BMPR1B: variants seen among roughly 807,000 people sequenced by gnomAD.
BMPR1B encodes the protein bone morphogenetic protein receptor type-1B.
Under a neutral mutation model 59.1 loss-of-function variants are expected in BMPR1B, and 12 were observed. That is an observed-to-expected ratio of 0.20 (90% CI 0.13 to 0.33). BMPR1B has a LOEUF of 0.33. BMPR1B is among the 10% of genes least tolerant of loss of function. The probability of loss-of-function intolerance (pLI) is 1.00; values close to 1 mark genes in which losing one functional copy is unlikely to be tolerated. For missense variants in BMPR1B, 550 were observed against 610.9 expected (o/e 0.90, Z 1.05); for synonymous variants, 237 against 207.3 (o/e 1.14, Z -1.23).
At chr4:94,889,298 C>T (rs1486185621) in intron 2 of BMPR1B, among the ~76,000 whole-genome samples, 2 of 151,912 alleles carry the variant, frequency 1.3e-5, no homozygotes, top group Admixed American at 6.6e-5. Flanking sequence ...AATAATACTG[C>T]AAAATAAAAT....
intron 2 of BMPR1B, among the ~76,000 whole-genome samples, chr4:94,911,927 A>G (rs1242438728): frequency 6.6e-6 from 1 of 152,078 alleles, no homozygotes; most frequent in Non-Finnish European, 1.5e-5. Flanking sequence ...GCCCTTTTTC[A>G]TGCTGCTTAT....
chr4:95,011,118 A>G (rs1723195608), intron 3 of BMPR1B, among the ~76,000 whole-genome samples: 1 of 151,150 alleles, frequency 6.6e-6, no homozygotes, highest in Admixed American at 6.6e-5. Context: ...TCGGGAGTAC[A>G]TGTGAAGGCT....
intron 2 of BMPR1B, among the ~76,000 whole-genome samples, chr4:94,891,632 C>T (rs886502864): frequency 1.3e-5 from 2 of 151,848 alleles, no homozygotes; most frequent in Non-Finnish European, 1.5e-5. Flanking sequence ...GGAATGGCAG[C>T]GTATGTAGAA....
intron 2 of BMPR1B, among the ~76,000 whole-genome samples, chr4:94,980,991 T>TCACACA (rs71583675): frequency 2.8e-4 from 6 of 21,776 alleles, no homozygotes; most frequent in African/African-American, 9.5e-4. Flanking sequence ...CAAGACTCCA[T>TCACACA]CACACACACA....
At chr4:95,146,477 A>G (rs567406790) in intron 10 of BMPR1B, among the ~76,000 whole-genome samples, 5 of 152,308 alleles carry the variant, frequency 3.3e-5, no homozygotes, top group African/African-American at 1.2e-4. Context: ...CCAAATCCAA[A>G]TAAACATTAA....
intron 3 of BMPR1B, among the ~76,000 whole-genome samples, chr4:95,087,364 A>ATG (rs149996410): frequency 2.5e-3 from 380 of 151,516 alleles, no homozygotes; most frequent in African/African-American, 6.0e-3. Flanking sequence ...CTAGAGATAG[A>ATG]TGTGTGTGTG....
At chr4:94,798,523 T>C (rs770205324) in intron 1 of BMPR1B, among the ~76,000 whole-genome samples, 1 of 152,190 alleles carries the variant, frequency 6.6e-6, no homozygotes, top group Non-Finnish European at 1.5e-5. Flanking sequence ...AGAAATCTGA[T>C]CACATCCAGC....
intron 10 of BMPR1B, among the ~76,000 whole-genome samples, chr4:95,146,420 T>C (rs968861593): frequency 2.6e-5 from 4 of 152,224 alleles, no homozygotes; most frequent in African/African-American, 9.6e-5. Context: ...TTCATTTTTC[T>C]AATAGATATC....
intron 3 of BMPR1B, among the ~76,000 whole-genome samples, chr4:95,021,171 A>G (rs1370871189): frequency 1.3e-5 from 2 of 152,238 alleles, no homozygotes; most frequent in Non-Finnish European, 2.9e-5. Flanking sequence ...CCTAGGTCTA[A>G]AATATAATGG....
intron 1 of BMPR1B, among the ~76,000 whole-genome samples, chr4:94,833,589 T>G (rs567318216): frequency 2.0e-5 from 3 of 152,224 alleles, no homozygotes; most frequent in Non-Finnish European, 4.4e-5. Flanking sequence ...AGAGGTAACA[T>G]TCTTAGCCAA....
intron 1 of BMPR1B, among the ~76,000 whole-genome samples, chr4:94,767,980 T>C (rs988196100): frequency 6.6e-6 from 1 of 152,000 alleles, no homozygotes; most frequent in African/African-American, 2.4e-5. Flanking sequence ...TAAACAGCCA[T>C]ATATAAATGA....
intron 10 of BMPR1B, among the ~76,000 whole-genome samples, chr4:95,143,867 G>A (rs1218130436): frequency 2.0e-5 from 3 of 152,080 alleles, no homozygotes; most frequent in African/African-American, 7.2e-5. Context: ...CATATATGTT[G>A]TGCCTTTTCC....
intron 3 of BMPR1B, among the ~76,000 whole-genome samples, chr4:95,034,553 T>C (rs1340581968): frequency 6.6e-6 from 1 of 152,106 alleles, no homozygotes; most frequent in Non-Finnish European, 1.5e-5. Context: ...TCCTGAATTA[T>C]TTCACTTAGA....
rs190231406 is a variant in BMPR1B, at chr4:95,100,632, T to G, written c.-17-3776T>G. Among the ~76,000 whole-genome samples the G allele has an allele frequency of 2.3e-3, 357 of 152,216 alleles. 2 individuals carry two copies. The highest frequency in any genetic ancestry group is 8.0e-3 in the African/African-American group (331 of 41,564). On this transcript the variant is annotated intron_variant, in intron 3 of 12. Coordinates refer to ENST00000515059, the MANE Select transcript of BMPR1B (RefSeq NM_001203.3). ...GTGCATGATTATTTGATGATTTTCT[T>G]TCCTCTGTTTTCTCAAGTCTCTCTT...
At chr4:94,976,055 C>T (rs1731020955) in intron 2 of BMPR1B, among the ~76,000 whole-genome samples, 1 of 152,186 alleles carries the variant, frequency 6.6e-6, no homozygotes, top group Admixed American at 6.5e-5. Flanking sequence ...ATTTTGCAGT[C>T]AGGCAGCGAC....
chr4:94,837,117 T>C (rs1350681053), intron 1 of BMPR1B, among the ~76,000 whole-genome samples: 2 of 145,664 alleles, frequency 1.4e-5, no homozygotes, highest in African/African-American at 5.1e-5. Context: ...CATTGATCTA[T>C]ATCTCTGTTT....
intron 3 of BMPR1B, among the ~76,000 whole-genome samples, chr4:95,029,702 A>G (rs7377902): frequency 0.27 from 40,682 of 152,070 alleles, 6,359 homozygotes; most frequent in South Asian, 0.42. Context: ...TGACTTCCAT[A>G]ATGGTGGAAC....
intron 3 of BMPR1B, among the ~76,000 whole-genome samples, chr4:95,016,546 G>A (rs1481105278): frequency 6.6e-6 from 1 of 152,140 alleles, no homozygotes. Flanking sequence ...TATCTAAAAA[G>A]GATGTTAAAA....
chr4:95,066,069 G>C (rs912475641), intron 3 of BMPR1B, among the ~76,000 whole-genome samples: 9 of 152,126 alleles, frequency 5.9e-5, no homozygotes, highest in African/African-American at 1.7e-4. Flanking sequence ...TCTCAGTCTA[G>C]CCTTGTGAGT....
Sources: gnomAD v4.1 joint callset for allele counts (sites outside exome capture counted in the v4.1 genomes callset) on GRCh38, gnomAD v4.1.1 for gene constraint, MANE v1.5 for transcripts, NCBI Gene and HGNC (gene_info 2026-07-23, HGNC 2026-07-21) for gene names.